Variants in NKAIN3 observed in about 807,000 individuals in gnomAD.
NKAIN3 encodes the protein sodium/potassium-transporting ATPase subunit beta-1-interacting protein 3.
NKAIN3 carries 25 observed loss-of-function variants against 30.2 expected under a neutral mutation model. The ratio of observed to expected loss-of-function variants is 0.83; its 90% CI spans 0.60 to 1.16. The LOEUF is 1.16. Among genes scored for constraint, NKAIN3 ranks in the 50% most tolerant of loss-of-function variants. The pLI is 0.00. For missense variants in NKAIN3, 225 were observed against 254.1 expected, an observed-to-expected ratio of 0.89 and a Z score of 0.78; for synonymous variants, 91 against 89.6, an observed-to-expected ratio of 1.02 and a Z score of -0.09.
At chr8:62,502,963 A>G (rs1807508397) in intron 1 of NKAIN3, among the ~76,000 whole-genome samples, 1 of 152,098 alleles carries the variant, frequency 6.6e-6, no homozygotes, top group Non-Finnish European at 1.5e-5. Flanking sequence ...CAGGTCCCCA[A>G]CCCCTGGGCC....
chr8:62,353,978 G>T (rs1486074344), intron 1 of NKAIN3, among the ~76,000 whole-genome samples: 2 of 152,190 alleles, frequency 1.3e-5, no homozygotes, highest in African/African-American at 4.8e-5. Flanking sequence ...TAAGGGATTT[G>T]TGAGGAGAAG....
At chr8:62,957,109 A>G (rs1249222190) in intron 6 of NKAIN3, among the ~76,000 whole-genome samples, 1 of 151,728 alleles carries the variant, frequency 6.6e-6, no homozygotes, top group Non-Finnish European at 1.5e-5. Context: ...TTGTTCACAC[A>G]AAAACTTACA....
At chr8:62,811,984 C>T (rs772462947) in intron 4 of NKAIN3, among the ~76,000 whole-genome samples, 1 of 151,826 alleles carries the variant, frequency 6.6e-6, no homozygotes, top group Non-Finnish European at 1.5e-5. Context: ...TTACATTTTA[C>T]ATTTAAGTCC....
intron 4 of NKAIN3, among the ~76,000 whole-genome samples, chr8:62,846,696 T>A (rs537090186): frequency 2.6e-5 from 4 of 152,296 alleles, no homozygotes; most frequent in Non-Finnish European, 5.9e-5. Flanking sequence ...TTCTGTGGTA[T>A]ACATTTACCA....
chr8:62,790,779 C>T (rs956133392), intron 4 of NKAIN3, among the ~76,000 whole-genome samples: 1 of 152,050 alleles, frequency 6.6e-6, no homozygotes, highest in African/African-American at 2.4e-5. Context: ...CAAGTAATAA[C>T]AACTCTGATA....
intron 3 of NKAIN3, among the ~76,000 whole-genome samples, chr8:62,642,283 C>T (rs1812333954): frequency 6.6e-6 from 1 of 152,062 alleles, no homozygotes; most frequent in Non-Finnish European, 1.5e-5. Flanking sequence ...TCATCGAAAC[C>T]TCAGTCAGAA....
intron 1 of NKAIN3, among the ~76,000 whole-genome samples, chr8:62,540,243 T>A (rs1808796510): frequency 6.6e-6 from 1 of 152,218 alleles, no homozygotes; most frequent in Non-Finnish European, 1.5e-5. Flanking sequence ...AGCTGCTTTC[T>A]CTTTTTTAGC....
At chr8:62,805,785 A>C (rs1451798190) in intron 4 of NKAIN3, among the ~76,000 whole-genome samples, 3 of 152,220 alleles carry the variant, frequency 2.0e-5, no homozygotes, top group African/African-American at 7.2e-5. Context: ...TGGCAACAAA[A>C]GCCAAAATGG....
chr8:62,338,295 A>C (rs1199377432), intron 1 of NKAIN3, among the ~76,000 whole-genome samples: 1 of 152,036 alleles, frequency 6.6e-6, no homozygotes, highest in Non-Finnish European at 1.5e-5. Context: ...ATTATAAAAT[A>C]AATTATACTA....
chr8:62,401,999 T>G (rs1283371153), intron 1 of NKAIN3, among the ~76,000 whole-genome samples: 2 of 152,190 alleles, frequency 1.3e-5, no homozygotes. Flanking sequence ...CTCTCAACCT[T>G]CAGGGCTTCA....
chr8:62,298,431 C>G (rs1159572114), intron 1 of NKAIN3, among the ~76,000 whole-genome samples: 1 of 152,064 alleles, frequency 6.6e-6, no homozygotes, highest in East Asian at 1.9e-4. Context: ...AGACGGTAGG[C>G]CCCAGTATCA....
At chr8:62,579,971 G>A (rs556525515) in intron 2 of NKAIN3, among the ~76,000 whole-genome samples, 1 of 152,068 alleles carries the variant, frequency 6.6e-6, no homozygotes, top group Non-Finnish European at 1.5e-5. Context: ...TAGAGTAGGA[G>A]GTCTGCTTGT....
chr8:62,742,936 G>A (rs1815952002), intron 3 of NKAIN3, among the ~76,000 whole-genome samples: 1 of 152,144 alleles, frequency 6.6e-6, no homozygotes, highest in Non-Finnish European at 1.5e-5. Context: ...GGAGAGAGAA[G>A]AATGAGAACC....
chr8:62,435,566 A>G (rs1805145222), intron 1 of NKAIN3, among the ~76,000 whole-genome samples: 1 of 152,166 alleles, frequency 6.6e-6, no homozygotes, highest in South Asian at 2.1e-4. Flanking sequence ...AGTTGTTGCT[A>G]AAAAATCACT....
intron 1 of NKAIN3, among the ~76,000 whole-genome samples, chr8:62,315,139 G>T (rs1448705899): frequency 6.6e-6 from 1 of 152,164 alleles, no homozygotes; most frequent in Non-Finnish European, 1.5e-5. Flanking sequence ...ATCCATTTTA[G>T]CACATTATCT....
At chr8:62,578,492 G>T (rs1443446033) in intron 1 of NKAIN3, among the ~76,000 whole-genome samples, 2 of 152,056 alleles carry the variant, frequency 1.3e-5, no homozygotes, top group African/African-American at 4.8e-5. Context: ...TCTAGTTTTA[G>T]ATCAGAGTCT....
intron 4 of NKAIN3, among the ~76,000 whole-genome samples, chr8:62,850,421 T>C (rs956056360): frequency 6.6e-6 from 1 of 152,102 alleles, no homozygotes; most frequent in Admixed American, 6.5e-5. Context: ...TTCACTCTGA[T>C]GGTAGTTTCT....
chr8:62,863,492 G>T, intron 4 of NKAIN3: 6 of 1,540,728 alleles, frequency 3.9e-6, no homozygotes, highest in Admixed American at 3.4e-5. Context: ...TTCAGACAAC[G>T]TACTGGGTGG....
intron 1 of NKAIN3, among the ~76,000 whole-genome samples, chr8:62,401,398 G>A (rs965677116): frequency 1.8e-4 from 28 of 151,834 alleles, no homozygotes; most frequent in African/African-American, 6.8e-4. Context: ...TGTCTGTAAG[G>A]TCACATATCT....
Sources: gnomAD v4.1 joint callset for allele counts (sites outside exome capture counted in the v4.1 genomes callset) on GRCh38, gnomAD v4.1.1 for gene constraint, MANE v1.5 for transcripts, NCBI Gene and HGNC (gene_info 2026-07-23, HGNC 2026-07-21) for gene names.